The following ERC2 variants were observed in gnomAD, a reference collection of about 807,000 sequenced individuals.
ERC2 encodes the protein ELKS/RAB6-interacting/CAST family member 2.
Under a neutral mutation model 114.8 loss-of-function variants are expected in ERC2, and 42 were observed. The observed-to-expected ratio is 0.37, with a 90% CI of 0.29 to 0.47. The LOEUF (loss-of-function observed/expected upper bound fraction) is 0.47, where lower values mean the gene tolerates loss of function less well. Among genes scored for constraint, ERC2 ranks in the 20% least tolerant of loss-of-function variants. The pLI, the probability that ERC2 is intolerant of heterozygous loss-of-function variation, is 0.99. For missense variants in ERC2, 939 were observed against 1,150.7 expected (o/e 0.82, Z 2.66); for synonymous variants, 454 against 425.5 (o/e 1.07, Z -0.82).
intron 13 of ERC2, among the ~76,000 whole-genome samples, chr3:55,923,151 G>C (rs2065534148): frequency 6.6e-6 from 1 of 152,014 alleles, no homozygotes; most frequent in Admixed American, 6.6e-5. Context: ...GAAGATGAAT[G>C]AATAAACAAA....
chr3:56,023,398 G>A (rs960522839), intron 7 of ERC2, among the ~76,000 whole-genome samples: 1 of 152,088 alleles, frequency 6.6e-6, no homozygotes, highest in Non-Finnish European at 1.5e-5. Flanking sequence ...TGGCCCTGCC[G>A]AATCACTAGT....
intron 14 of ERC2, among the ~76,000 whole-genome samples, chr3:55,864,773 T>C (rs941222728): frequency 6.6e-6 from 1 of 152,106 alleles, no homozygotes; most frequent in Admixed American, 6.6e-5. Context: ...GTCATCATCA[T>C]CAGCAGTACC....
intron 2 of ERC2, among the ~76,000 whole-genome samples, chr3:56,406,796 C>T (rs1361186468): frequency 6.6e-6 from 1 of 152,082 alleles, no homozygotes; most frequent in East Asian, 1.9e-4. Flanking sequence ...TGCAAAAACT[C>T]TTAATTTTGT....
intron 6 of ERC2, among the ~76,000 whole-genome samples, chr3:56,092,179 CACCAACTTGTTAATA>C (rs2077831345): frequency 6.6e-6 from 1 of 152,126 alleles, no homozygotes; most frequent in Admixed American, 6.6e-5. Context: ...AAGTTACAAT[CACCAACTTGTTAATA>C]ACACAGTCGA....
chr3:56,332,692 G>A (rs976416140), intron 2 of ERC2, among the ~76,000 whole-genome samples: 3 of 152,198 alleles, frequency 2.0e-5, no homozygotes, highest in Admixed American at 1.3e-4. Context: ...CTGAATGAGC[G>A]AATCTGTTTA....
chr3:55,924,415 C>T (rs1175701531), intron 13 of ERC2, among the ~76,000 whole-genome samples: 1 of 152,092 alleles, frequency 6.6e-6, no homozygotes, highest in Non-Finnish European at 1.5e-5. Flanking sequence ...AGGTTTGGCC[C>T]ACAGACCATA....
At chr3:55,774,708 C>T (rs960018446) in intron 14 of ERC2, among the ~76,000 whole-genome samples, 8 of 152,180 alleles carry the variant, frequency 5.3e-5, no homozygotes, top group African/African-American at 1.9e-4. Context: ...TTTGGGTGAC[C>T]CAGGCAGGCT....
At chr3:56,083,340 G>A (rs1576857287) in intron 6 of ERC2, among the ~76,000 whole-genome samples, 2 of 152,174 alleles carry the variant, frequency 1.3e-5, no homozygotes, top group East Asian at 3.9e-4. Context: ...AATTCTAAAA[G>A]AGGTGAAAAT....
At position 55,675,903 on chromosome 3, in the gene ERC2, C is replaced by CTTTTTTTTTTTTTTTTTTTTTTT. The variant is rs869296098; in HGVS notation, c.*39+7868_*39+7890dup. ...TTCCATCTTTCTTTCTCTTTTCTTT[C>CTTTTTTTTTTTTTTTTTTTTTTT]TTTTTTTTTTTTTTTTTTTTTTTTT... On this transcript the variant is annotated intron_variant, in intron 17 of 17. Transcript: ENST00000288221. Among the ~76,000 whole-genome samples the CTTTTTTTTTTTTTTTTTTTTTTT allele has an allele frequency of 1.4e-3, 65 of 47,992 alleles. 10 individuals carry two copies. The highest frequency in any genetic ancestry group is 2.1e-3 in the Admixed American group (6 of 2,862). 31.5% of individuals were successfully genotyped at this position (47,992 alleles called of 152,430 possible). A position where few individuals can be genotyped will look rare whatever the true frequency, so the allele number is the denominator to read the frequency against.
At chr3:55,926,424 A>AC (rs1037942123) in intron 13 of ERC2, among the ~76,000 whole-genome samples, 33 of 151,462 alleles carry the variant, frequency 2.2e-4, no homozygotes, top group African/African-American at 7.5e-4. Context: ...TTAAAAAAAA[A>AC]AAAACTAAAA....
intron 14 of ERC2, among the ~76,000 whole-genome samples, chr3:55,856,997 G>T (rs888691693): frequency 3.3e-5 from 5 of 151,900 alleles, no homozygotes; most frequent in Admixed American, 6.6e-5. Context: ...ATTAGTAGTT[G>T]CCAGAGACTA....
intron 14 of ERC2, among the ~76,000 whole-genome samples, chr3:55,838,082 A>G (rs78665586): frequency 0.023 from 3,459 of 152,070 alleles, 140 homozygotes; most frequent in African/African-American, 0.079. Flanking sequence ...CATCAAGCAG[A>G]AACAGAATTG....
Position 55,568,339 on chromosome 3 carries a change from G to C in ERC2, c.*40-57063C>G, listed in dbSNP as rs142956571. Among the ~76,000 whole-genome samples, 123 of 152,282 alleles carry C rather than the reference G, an allele frequency of 8.1e-4. 1 individual carries two copies. The Middle Eastern group carries it at 0.017, about 21-fold the overall frequency. On this transcript the variant is annotated intron_variant, in intron 17 of 17. Transcript: ENST00000288221. ...TGTGGTCTAAGCTCAGAGTGATGAGGAGGTAGAAGAGGAGTCATCCAGCAA... is the reference window on the plus strand; with the variant it reads ...TGTGGTCTAAGCTCAGAGTGATGAGCAGGTAGAAGAGGAGTCATCCAGCAA...
At chr3:55,869,706 C>T (rs2062487291) in intron 14 of ERC2, among the ~76,000 whole-genome samples, 1 of 152,088 alleles carries the variant, frequency 6.6e-6, no homozygotes, top group African/African-American at 2.4e-5. Context: ...ACCAGCTTAT[C>T]CCACCAACTT....
At chr3:55,619,412 G>A (rs2059244245) in intron 17 of ERC2, among the ~76,000 whole-genome samples, 1 of 152,132 alleles carries the variant, frequency 6.6e-6, no homozygotes, top group Non-Finnish European at 1.5e-5. Flanking sequence ...GTGCATCAGG[G>A]TTTATGCATT....
chr3:56,339,403 A>C (rs1205888874), intron 2 of ERC2, among the ~76,000 whole-genome samples: 1 of 152,086 alleles, frequency 6.6e-6, no homozygotes, highest in East Asian at 1.9e-4. Context: ...GTGGGGAGGT[A>C]TGAAGGGAAC....
At chr3:55,746,000 T>C (rs1226463488) in intron 14 of ERC2, among the ~76,000 whole-genome samples, 1 of 152,222 alleles carries the variant, frequency 6.6e-6, no homozygotes, top group Non-Finnish European at 1.5e-5. Context: ...GAGCAGCAAA[T>C]TGTCCGCCTA....
intron 12 of ERC2, among the ~76,000 whole-genome samples, chr3:55,984,608 T>G (rs1212661628): frequency 6.6e-6 from 1 of 152,186 alleles, no homozygotes; most frequent in Non-Finnish European, 1.5e-5. Context: ...CCCATTATGA[T>G]GTCTGTGTTT....
intron 6 of ERC2, among the ~76,000 whole-genome samples, chr3:56,103,722 T>C (rs2078483812): frequency 6.6e-6 from 1 of 151,684 alleles, no homozygotes; most frequent in African/African-American, 2.4e-5. Flanking sequence ...TCTGAAATAA[T>C]TTAACAAAAA....
Sources: gnomAD v4.1 joint callset for allele counts (sites outside exome capture counted in the v4.1 genomes callset) on GRCh38, gnomAD v4.1.1 for gene constraint, MANE v1.5 for transcripts, NCBI Gene and HGNC (gene_info 2026-07-23, HGNC 2026-07-21) for gene names.